The following ACSM3 variants were observed in gnomAD, a reference collection of about 807,000 sequenced individuals.
ACSM3 encodes acyl-coenzyme A synthetase ACSM3, mitochondrial.
Under a neutral mutation model 74.1 loss-of-function variants are expected in ACSM3, and 61 were observed. The observed-to-expected ratio is 0.82, with a 90% CI of 0.67 to 1.02. ACSM3 has a LOEUF of 1.02. Ranked by LOEUF, ACSM3 falls within the 50% of genes least tolerant of loss-of-function variation. ACSM3 has a pLI of 0.00. For synonymous variants in ACSM3, 213 were observed against 241.5 expected, an observed-to-expected ratio of 0.88 and a Z score of 1.09; for missense variants, 660 against 697.0, an observed-to-expected ratio of 0.95 and a Z score of 0.60.
intron 1 of ACSM3, chr16:20,737,795 C>A (rs2079883448): frequency 6.2e-7 from 1 of 1,613,752 alleles, no homozygotes; most frequent in Admixed American, 1.7e-5. Flanking sequence ...TTGTTTGGAG[C>A]TTTAAACCAG....
At chr16:20,783,702 T>A (rs1392988910) in intron 7 of ACSM3, 2 of 152,216 alleles carry the variant, frequency 1.3e-5, no homozygotes, top group Non-Finnish European at 2.9e-5. Context: ...GCTTCAAACC[T>A]TGTCCCCAGT....
chr16:20,723,884 A>C (rs2079795226), intron 1 of ACSM3, among the ~76,000 whole-genome samples: 2 of 152,152 alleles, frequency 1.3e-5, no homozygotes, highest in Admixed American at 1.3e-4. Context: ...CTTTAGTTTA[A>C]TTAGATCCCA....
chr16:20,707,495 G>A (rs999885715), intron 1 of ACSM3, among the ~76,000 whole-genome samples: 3 of 152,136 alleles, frequency 2.0e-5, no homozygotes, highest in African/African-American at 7.2e-5. Flanking sequence ...CTGTGCACCT[G>A]AAGTAGACCA....
chr16:20,713,363 T>A (rs902710549), intron 1 of ACSM3, among the ~76,000 whole-genome samples: 4 of 152,226 alleles, frequency 2.6e-5, no homozygotes, highest in Non-Finnish European at 5.9e-5. Flanking sequence ...ATTATTTGAA[T>A]ATACATCTCC....
In ACSM3 at chr16:20,796,894, T is replaced by C; in HGVS notation, c.1683T>C (p.Phe561=). The change falls in exon 14 of 14, where the codon TTT becomes TTC. Residue 561 remains phenylalanine, a synonymous_variant. Coordinates refer to ENST00000289416, the MANE Select transcript of ACSM3 (RefSeq NM_005622.4). The stretch of plus-strand genomic sequence containing the variant: ...CCCCTTGATGCCAACAGGTAGAATT[T>C]ATTCAAGAGCTGCCAAAGACTATCA... ...APYKYPRKVE[F]IQELPKTISG... 1 of 1,612,050 alleles carries C rather than the reference T, an allele frequency of 6.2e-7. No homozygotes were observed. The highest frequency in any genetic ancestry group is 1.7e-4 in the Middle Eastern group (1 of 6,048).
rs768775183 is a variant in ACSM3 at position 20,791,991 on chromosome 16, T to C, written c.1327-11T>C. On this transcript the variant is annotated splice_polypyrimidine_tract_variant and intron_variant, in intron 10 of 13. Transcript: ENST00000289416. ...ATTCACCATAACAACAAAATGCTAT[T>C]TGTTTTGCAGGATAATCCTTCAAAA... The C allele has an allele frequency of 1.3e-5, 21 of 1,613,454 alleles. 1 individual carries two copies. In the South Asian group the frequency reaches 2.2e-4, roughly 17 times the overall value.
At chr16:20,681,687 A>T (rs1160442782) in intron 1 of ACSM3, 1 of 154,120 alleles carries the variant, frequency 6.5e-6, no homozygotes, top group African/African-American at 2.4e-5. Flanking sequence ...GCTTTCTATT[A>T]ACACCTTTGT....
At chr16:20,787,715 A>C (rs943352926) in intron 9 of ACSM3, among the ~76,000 whole-genome samples, 8 of 152,348 alleles carry the variant, frequency 5.3e-5, no homozygotes, top group African/African-American at 1.9e-4. Flanking sequence ...ACCTGGTCTC[A>C]AGATAGGATA....
chr16:20,711,532 C>T, intron 1 of ACSM3: 1 of 1,422,072 alleles, frequency 7.0e-7, no homozygotes. Context: ...CTACCGGCTG[C>T]AAGCATCCAA....
Position 20,780,833 on chromosome 16 carries a change from G to C in ACSM3, c.758G>C (p.Gly253Ala). The part of the protein sequence containing the change: ...KMTAHTHSSF[G>A]LGLSVNGRFW... ...ACTGCACACACCCACAGCAGTTTTG[G>C]TTTAGGATTATCTGTAAATGGAAGG... The change falls in exon 5 of 14, where the codon GGT (glycine) becomes GCT (alanine). Residue 253 changes from glycine to alanine, a missense_variant. Coordinates refer to ENST00000289416, the MANE Select transcript of ACSM3 (RefSeq NM_005622.4). 1 of 1,614,228 alleles carries C rather than the reference G, an allele frequency of 6.2e-7. No individual in the cohort carries two copies. The highest frequency in any genetic ancestry group is 1.1e-5 in the South Asian group (1 of 91,090).
intron 12 of ACSM3, 130 bp from the exon 13 acceptor site, chr16:20,796,240 G>A: frequency 2.1e-6 from 3 of 1,424,668 alleles, no homozygotes; most frequent in Non-Finnish European, 9.3e-7. Context: ...CACAGAGCTG[G>A]GATCAAACTT....
intron 1 of ACSM3, among the ~76,000 whole-genome samples, chr16:20,676,445 C>A (rs1360827928): frequency 6.6e-6 from 1 of 152,178 alleles, no homozygotes; most frequent in African/African-American, 2.4e-5. Flanking sequence ...CTCTGTTTAA[C>A]CCTAAGGCTG....
intron 1 of ACSM3, chr16:20,685,520 C>T: frequency 1.0e-6 from 1 of 983,412 alleles, no homozygotes; most frequent in Admixed American, 1.9e-5. Flanking sequence ...GACTGAGATC[C>T]CATTTTAAAA....
At chr16:20,687,459 A>G (rs1489033836) in intron 1 of ACSM3, among the ~76,000 whole-genome samples, 1 of 152,166 alleles carries the variant, frequency 6.6e-6, no homozygotes, top group Non-Finnish European at 1.5e-5. Flanking sequence ...CCTTCACACT[A>G]TGAAGATTAG....
intron 1 of ACSM3, chr16:20,703,812 A>T (rs536778064): frequency 5.9e-5 from 9 of 152,166 alleles, no homozygotes; most frequent in Non-Finnish European, 1.2e-4. Flanking sequence ...ATTAGCCACA[A>T]TGTCTGGCCA....
intron 1 of ACSM3, among the ~76,000 whole-genome samples, chr16:20,718,109 A>G (rs902749205): frequency 6.6e-6 from 1 of 151,906 alleles, no homozygotes; most frequent in Admixed American, 6.6e-5. Context: ...AAGGAAAAGG[A>G]GAAGAAGAAG....
intron 1 of ACSM3, among the ~76,000 whole-genome samples, chr16:20,747,854 A>T (rs924997286): frequency 1.6e-4 from 25 of 152,204 alleles, no homozygotes; most frequent in African/African-American, 5.5e-4. Flanking sequence ...TACATGTAAG[A>T]GTCTAGCTGG....
Position 20,796,451 on chromosome 16 carries a change from GT to G in ACSM3, c.1638del (p.Thr549LeufsTer11). On this transcript the variant is annotated frameshift_variant, in exon 13 of 14. Transcript: ENST00000289416. LOFTEE classifies it high-confidence loss of function. ...ACTAATAAAGGAGATTCAGGAGCATGTTAAAAAAACTACAGCACCTTACAAA... is the reference window on the plus strand; with the variant it reads ...ACTAATAAAGGAGATTCAGGAGCATGTAAAAAAACTACAGCACCTTACAAA... ...EQLIKEIQEH[V>X]KKTTAPYKYP... is the part of the protein sequence containing the mutation. 1 of 1,613,720 alleles carries G rather than the reference GT, an allele frequency of 6.2e-7. No homozygotes were observed. Among genetic ancestry groups the G allele is most frequent in the South Asian group, 1.1e-5 (1 of 91,044 alleles).
chr16:20,685,854 C>T (rs1473589657), intron 1 of ACSM3, among the ~76,000 whole-genome samples: 4 of 94,794 alleles, frequency 4.2e-5, no homozygotes, highest in Non-Finnish European at 8.1e-5. Flanking sequence ...AAACAAAAAA[C>T]TTATAGCATC....
Sources: gnomAD v4.1 joint callset for allele counts (sites outside exome capture counted in the v4.1 genomes callset) on GRCh38, gnomAD v4.1.1 for gene constraint, MANE v1.5 for transcripts, NCBI Gene and HGNC (gene_info 2026-07-23, HGNC 2026-07-21) for gene names.